The following CCDC18 variants were observed in gnomAD, a reference collection of about 807,000 sequenced individuals.
CCDC18 encodes coiled-coil domain containing 18, also known as coiled-coil domain-containing protein 18.
Under a neutral mutation model 196.0 loss-of-function variants are expected in CCDC18, and 157 were observed. The observed-to-expected ratio is 0.80, with a 90% confidence interval of 0.70 to 0.91. CCDC18 has a LOEUF of 0.91. CCDC18 is among the 40% of genes least tolerant of loss of function. The pLI is 0.00. For synonymous variants in CCDC18, 482 were observed against 529.2 expected (o/e 0.91, Z 1.22); for missense variants, 1,465 against 1,611.6 (o/e 0.91, Z 1.56).
chr1:93,230,710 T>C (rs1659118036), intron 17 of CCDC18, among the ~76,000 whole-genome samples: 1 of 152,196 alleles, frequency 6.6e-6, no homozygotes, highest in Admixed American at 6.5e-5. Flanking sequence ...TAGATCTTAT[T>C]TTTTTCTTCT....
At chr1:93,229,324 A>G (rs1031439716) in intron 17 of CCDC18, among the ~76,000 whole-genome samples, 4 of 152,258 alleles carry the variant, frequency 2.6e-5, no homozygotes, top group African/African-American at 9.6e-5. Flanking sequence ...AGAAGAATCC[A>G]AGTACTAACT....
At chr1:93,251,477 C>T (rs1021943404) in intron 23 of CCDC18, among the ~76,000 whole-genome samples, 7 of 152,012 alleles carry the variant, frequency 4.6e-5, no homozygotes, top group Non-Finnish European at 7.4e-5. Context: ...GGTCTAGTAG[C>T]GACAAATTTC....
chr1:93,188,260 C>T (rs1651064094), intron 4 of CCDC18, among the ~76,000 whole-genome samples: 1 of 152,150 alleles, frequency 6.6e-6, no homozygotes, highest in South Asian at 2.1e-4. Context: ...TCAATATATT[C>T]ATAACTTACG....
At chr1:93,276,163 T>G (rs1465470692) in intron 28 of CCDC18, among the ~76,000 whole-genome samples, 1 of 152,242 alleles carries the variant, frequency 6.6e-6, no homozygotes, top group Non-Finnish European at 1.5e-5. Context: ...ATGAAAAGAA[T>G]GTGGAAACCG....
chr1:93,191,104 T>G (rs1651691794), intron 4 of CCDC18: 1 of 475,090 alleles, frequency 2.1e-6, no homozygotes. Flanking sequence ...TTTTTTTTTT[T>G]GGAGCAATTG....
chr1:93,242,926 C>G (rs984062788), intron 21 of CCDC18, among the ~76,000 whole-genome samples: 1 of 152,228 alleles, frequency 6.6e-6, no homozygotes, highest in Non-Finnish European at 1.5e-5. Context: ...ACCCCTGTGA[C>G]TTTGTAGGCT....
intron 17 of CCDC18, among the ~76,000 whole-genome samples, chr1:93,227,369 T>C (rs1049497176): frequency 2.0e-5 from 3 of 151,584 alleles, no homozygotes; most frequent in Non-Finnish European, 4.4e-5. Context: ...GGTTTCACCA[T>C]GTTGCCCAGG....
At position 93,221,701 on chromosome 1, in the gene CCDC18, T is replaced by C. The variant is rs767767495; in HGVS notation, c.2055T>C (p.His685=). 1.9e-6 allele frequency: 3 copies of C among 1,596,558 alleles called. No individual in the cohort carries two copies. The highest frequency in any genetic ancestry group is 2.3e-5 in the South Asian group (2 of 86,550). Reference sequence around the variant, plus strand: ...AACAAGATATAATATGCAAACAACATCATCTTGAATCACTAGATAGACTCT... The same window carrying C: ...AACAAGATATAATATGCAAACAACACCATCTTGAATCACTAGATAGACTCT... The part of the protein sequence containing the change: ...MLQQDIICKQ[H]HLESLDRLLT... Residue 685 remains histidine, a synonymous_variant, in exon 15 of 29, where the codon CAT becomes CAC. Transcript: ENST00000690025.
chr1:93,263,141 C>T (rs1664043046), intron 26 of CCDC18, among the ~76,000 whole-genome samples: 2 of 152,176 alleles, frequency 1.3e-5, no homozygotes, highest in Middle Eastern at 3.4e-3. Context: ...TTTTTTCCTC[C>T]TAGATATCCA....
intron 14 of CCDC18, among the ~76,000 whole-genome samples, chr1:93,220,828 T>C (rs973049594): frequency 6.6e-6 from 1 of 152,190 alleles, no homozygotes; most frequent in African/African-American, 2.4e-5. Flanking sequence ...CCTCCCCATG[T>C]CTTCGTGTGT....
chr1:93,208,338 G>T (rs1256554999), intron 9 of CCDC18, among the ~76,000 whole-genome samples: 9 of 147,750 alleles, frequency 6.1e-5, no homozygotes, highest in Non-Finnish European at 9.0e-5. Context: ...TTTTTTGTTT[G>T]TTTGTTTTTT....
In CCDC18 at chr1:93,239,717, A is replaced by C; in HGVS notation, c.2802A>C (p.Glu934Asp). 1 of 1,613,642 alleles carries C rather than the reference A, an allele frequency of 6.2e-7. No homozygotes were observed. Among genetic ancestry groups the C allele is most frequent in the Non-Finnish European group, 8.5e-7 (1 of 1,179,640 alleles). Residue 934 changes from glutamate (E) to aspartate (D), a missense_variant, in exon 21 of 29, where the codon GAA (glutamate) becomes GAC (aspartate). Physicochemically the swap from Glu to Asp is conservative, Grantham distance 45. Transcript: ENST00000690025. ...TAGAAAAGTTACAGCACAGTACTGA[A>C]ACTGAACTAACAGAAGCCTTGCAAA... ...KELEKLQHST[E>D]TELTEALQKR...
At chr1:93,193,106 G>A (rs1235893236) in intron 5 of CCDC18, among the ~76,000 whole-genome samples, 2 of 152,040 alleles carry the variant, frequency 1.3e-5, no homozygotes, top group South Asian at 2.1e-4. Flanking sequence ...GAAGGTTACC[G>A]ACTTTTGTAT....
At chr1:93,192,372 C>T (rs1651967570) in intron 5 of CCDC18, among the ~76,000 whole-genome samples, 1 of 152,184 alleles carries the variant, frequency 6.6e-6, no homozygotes. Context: ...TCTTCACCTA[C>T]ATAGAAGTAT....
chr1:93,187,612 A>G (rs1236015497), intron 4 of CCDC18, among the ~76,000 whole-genome samples: 1 of 152,162 alleles, frequency 6.6e-6, no homozygotes, highest in Non-Finnish European at 1.5e-5. Context: ...TAGAGGAGTT[A>G]TGGGAAGACT....
chr1:93,183,287 A>T, intron 1 of CCDC18, 73 bp from the exon 2 acceptor site: 1 of 1,072,234 alleles, frequency 9.3e-7, no homozygotes, highest in Non-Finnish European at 1.3e-6. Flanking sequence ...GTTAAATTCT[A>T]TTCATGTGAG....
At chr1:93,259,104 C>T (rs750978819) in intron 26 of CCDC18, among the ~76,000 whole-genome samples, 4 of 152,104 alleles carry the variant, frequency 2.6e-5, no homozygotes, top group African/African-American at 9.7e-5. Context: ...TAGCTCACCA[C>T]GGAGCCACCT....
At chr1:93,208,330 TTTTG>T (rs1557628087) in intron 9 of CCDC18, among the ~76,000 whole-genome samples, 2 of 91,494 alleles carry the variant, frequency 2.2e-5, no homozygotes, top group South Asian at 4.2e-4. Context: ...TTTTCTTTTT[TTTTG>T]TTTGTTTGTT....
rs757407022 is a variant in CCDC18, at chr1:93,246,204, G to A, written c.3081G>A (p.Gln1027=). Residue 1027 remains glutamine, a splice_region_variant and synonymous_variant, in exon 22 of 29, where the codon CAG becomes CAA. Coordinates refer to ENST00000690025, the MANE Select transcript of CCDC18 (RefSeq NM_001378204.1). ...RNWELKQRAA[Q]VTHLDMTIRE... Reference sequence around the variant, plus strand: ...GGGAACTAAAGCAAAGAGCAGCTCAGGTTGATTTTTCTTGATTATATTTTA... The same window carrying A: ...GGGAACTAAAGCAAAGAGCAGCTCAAGTTGATTTTTCTTGATTATATTTTA... 1.9e-6 allele frequency: 3 copies of A among 1,585,710 alleles called. No homozygotes were observed. Among genetic ancestry groups the A allele is most frequent in the Non-Finnish European group, 2.6e-6 (3 of 1,165,990 alleles).
Sources: allele counts gnomAD v4.1 joint callset (sites outside exome capture counted in the v4.1 genomes callset), GRCh38; gene constraint gnomAD v4.1.1; transcripts MANE v1.5; gene names NCBI Gene and HGNC (gene_info 2026-07-23, HGNC 2026-07-21).